The following MAGEC3 variants were observed in gnomAD, a reference collection of about 807,000 sequenced individuals.
The protein encoded by MAGEC3 is melanoma-associated antigen C3.
MAGEC3 carries 34 observed loss-of-function variants against 35.3 expected under a neutral mutation model. The ratio of observed to expected loss-of-function variants is 0.96; its 90% CI spans 0.73 to 1.28. The LOEUF (loss-of-function observed/expected upper bound fraction) is 1.28, where lower values mean the gene tolerates loss of function less well. Ranked by LOEUF, MAGEC3 falls within the 50% of genes most tolerant of loss-of-function variation. The pLI, the probability that MAGEC3 is intolerant of heterozygous loss-of-function variation, is 0.00. For synonymous variants in MAGEC3, 202 were observed against 185.6 expected, an observed-to-expected ratio of 1.09 and a Z score of -0.72; for missense variants, 561 against 483.6, an observed-to-expected ratio of 1.16 and a Z score of -1.50.
intron 3 of MAGEC3, among the ~76,000 whole-genome samples, 193 bp downstream of exon 3, chrX:141,879,624 G>A (rs756331638): frequency 1.8e-5 from 2 of 110,267 alleles, no homozygotes; most frequent in East Asian, 5.8e-4. Context: ...GAGGTAGAGA[G>A]GTGAGGGGTG....
chrX:141,882,679 G>A (rs1003914677), intron 4 of MAGEC3, among the ~76,000 whole-genome samples: 2 of 112,121 alleles, frequency 1.8e-5, no homozygotes, highest in Non-Finnish European at 3.8e-5. Flanking sequence ...CATCTCTGAC[G>A]GCTTTATTTG....
intron 4 of MAGEC3, among the ~76,000 whole-genome samples, chrX:141,884,404 C>G (rs1440685625): frequency 9.0e-6 from 1 of 111,720 alleles, no homozygotes; most frequent in African/African-American, 3.3e-5. Flanking sequence ...CCTTGCTCCT[C>G]AGCTTGCAGA....
At chrX:141,872,349 G>A (rs767905735) in intron 2 of MAGEC3, among the ~76,000 whole-genome samples, 17 of 111,409 alleles carry the variant, frequency 1.5e-4, no homozygotes, top group African/African-American at 5.2e-4. Context: ...AAGGACGTAG[G>A]AATGTGGGAT....
rs1415787100 is a variant in MAGEC3 at position 141,881,754 on chromosome X, T to C, written c.867T>C (p.Cys289=). 1.7e-6 allele frequency: 2 copies of C among 1,211,547 alleles called. No homozygotes were observed. The highest frequency in any genetic ancestry group is 2.2e-6 in the Non-Finnish European group (2 of 895,416). Residue 289 remains cysteine (C), a synonymous_variant, in exon 4 of 8, where the codon TGT becomes TGC. Coordinates refer to ENST00000298296, the MANE Select transcript of MAGEC3 (RefSeq NM_138702.1). ...ILSVIFIKGN[C]ASEEVIWEVL... ...GTGTGATCTTCATAAAGGGCAACTG[T>C]GCATCTGAGGAGGTCATCTGGGAAG...
rs1249049008 is a variant in MAGEC3 at position 141,897,639 on chromosome X, G to T, written c.1739G>T (p.Arg580Met). Residue 580 changes from arginine (R) to methionine (M), a missense_variant, in exon 8 of 8, where the codon AGG becomes ATG. Transcript: ENST00000298296. ...TGTGGGGTCCAAGAGCCCATTCAGAGGCCAGCAAGAGAAGTCTTAGAGTTT... is the reference window on the plus strand; with the variant it reads ...TGTGGGGTCCAAGAGCCCATTCAGATGCCAGCAAGAGAAGTCTTAGAGTTT... ...EVLSAIGPIQ[R>M]PAREVLEFLS... 5 of 1,207,201 alleles carry T rather than the reference G, an allele frequency of 4.1e-6. No homozygotes were observed. In the Admixed American group the frequency reaches 6.6e-5, roughly 16 times the overall value.
Position 141,881,708 on chromosome X carries a change from G to A in MAGEC3, c.821G>A (p.Arg274His), listed in dbSNP as rs749726433. The A allele has an allele frequency of 9.1e-6, 11 of 1,209,493 alleles. No homozygotes were observed. Among genetic ancestry groups the A allele is most frequent in the African/African-American group, 7.0e-5 (4 of 56,956 alleles). Reference protein sequence around the residue: ...LSDEQGMPQNRLLILILSVIF... With the variant: ...LSDEQGMPQNHLLILILSVIF... The stretch of plus-strand genomic sequence containing the variant: ...GATGAGCAGGGCATGCCCCAGAACC[G>A]CCTCCTGATTCTTATTCTGAGTGTG... Residue 274 changes from arginine to histidine, a missense_variant, in exon 4 of 8, where the codon CGC becomes CAC. Physicochemically the swap from Arg to His is conservative, Grantham distance 29 (BLOSUM62 0). Coordinates refer to ENST00000298296, the MANE Select transcript of MAGEC3 (RefSeq NM_138702.1).
At chrX:141,886,072 A>T (rs2018000645) in intron 4 of MAGEC3, among the ~76,000 whole-genome samples, 1 of 111,179 alleles carries the variant, frequency 9.0e-6, no homozygotes, top group African/African-American at 3.3e-5. Flanking sequence ...GCAGCACTCG[A>T]CCATCAAAGG....
At chrX:141,854,955 G>A (rs1483682388) in intron 1 of MAGEC3, among the ~76,000 whole-genome samples, 1 of 111,506 alleles carries the variant, frequency 9.0e-6, no homozygotes, top group Non-Finnish European at 1.9e-5. Flanking sequence ...GTTAGTCATA[G>A]GTACATTTGG....
At chrX:141,877,330 T>G (rs537143373) in intron 2 of MAGEC3, among the ~76,000 whole-genome samples, 1 of 111,881 alleles carries the variant, frequency 8.9e-6, no homozygotes, top group East Asian at 2.8e-4. Context: ...TGTTTTTGGT[T>G]AAATTATTTT....
chrX:141,870,286 T>G lies in MAGEC3; in HGVS notation c.258+4681T>G, dbSNP rs140957023. On this transcript the variant is annotated intron_variant, in intron 2 of 7. Coordinates refer to ENST00000298296, the MANE Select transcript of MAGEC3 (RefSeq NM_138702.1). ...CTAGTAACGTTAACCTGAATTTTAA[T>G]GAAACCTTATAGACAATCCTGTTTA... Among the ~76,000 whole-genome samples, 314 of 111,864 alleles carry G rather than the reference T, an allele frequency of 2.8e-3. 15 individuals are homozygous for G. The East Asian group carries it at 0.075, about 27-fold the overall frequency.
At chrX:141,879,946 G>T (rs965586334) in intron 3 of MAGEC3, among the ~76,000 whole-genome samples, 1 of 111,299 alleles carries the variant, frequency 9.0e-6, no homozygotes, top group Non-Finnish European at 1.9e-5. Context: ...ACTTTGAGAA[G>T]GACAAGGGGA....
intron 1 of MAGEC3, among the ~76,000 whole-genome samples, chrX:141,861,682 C>A (rs1254173962): frequency 8.9e-6 from 1 of 111,770 alleles, no homozygotes; most frequent in Non-Finnish European, 1.9e-5. Flanking sequence ...GGGGAAAGGG[C>A]AGCCTCTTCA....
In MAGEC3 at chrX:141,879,477, G is replaced by C. The variant is rs1318612636; in HGVS notation, c.515+46G>C. On this transcript the variant is annotated intron_variant, in intron 3 of 7. Coordinates refer to ENST00000298296, the MANE Select transcript of MAGEC3 (RefSeq NM_138702.1). ...GAGGGCTTTGAAGTGAGGAGGAAAA[G>C]GTGGAGGGATACCGAGAGGTGGGCA... 4.4e-6 allele frequency: 5 copies of C among 1,128,884 alleles called. No individual in the cohort carries two copies. The East Asian group carries it at 1.3e-4, about 30-fold the overall frequency. The allele number at this position is 1,128,884 out of a possible 1,213,427, so 93.0% of individuals were successfully genotyped here. A position where few individuals can be genotyped will look rare whatever the true frequency, so the allele number is the denominator to read the frequency against.
intron 1 of MAGEC3, among the ~76,000 whole-genome samples, chrX:141,857,750 G>A (rs949628915): frequency 9.0e-6 from 1 of 110,577 alleles, no homozygotes; most frequent in African/African-American, 3.3e-5. Flanking sequence ...CCTGAAACAC[G>A]CACCACCCTC....
At chrX:141,865,861 A>G (rs1263162657) in intron 2 of MAGEC3, among the ~76,000 whole-genome samples, 8 of 111,943 alleles carry the variant, frequency 7.1e-5, no homozygotes, top group Admixed American at 2.8e-4. Flanking sequence ...GCCTTCCTCT[A>G]TAGATGGACT....
chrX:141,890,720 A>G (rs1161592495), intron 4 of MAGEC3, among the ~76,000 whole-genome samples: 2 of 112,405 alleles, frequency 1.8e-5, no homozygotes, highest in Admixed American at 1.9e-4. Context: ...ACTTACTATC[A>G]TAAATTATAA....
intron 1 of MAGEC3, among the ~76,000 whole-genome samples, chrX:141,859,971 G>GT (rs1345927827): frequency 4.5e-5 from 5 of 112,026 alleles, no homozygotes; most frequent in African/African-American, 1.6e-4. Flanking sequence ...CTACCACTTA[G>GT]TTTTATCAGG....
At chrX:141,895,880 A>G (rs999329861) in intron 6 of MAGEC3, among the ~76,000 whole-genome samples, 1 of 111,228 alleles carries the variant, frequency 9.0e-6, no homozygotes, top group African/African-American at 3.3e-5. Flanking sequence ...TCCCACGTGC[A>G]TCAGAACAGA....
In MAGEC3 at chrX:141,896,908, A is replaced by T. The variant is rs762130935; in HGVS notation, c.1150A>T (p.Met384Leu). The T allele has an allele frequency of 2.5e-6, 3 of 1,180,506 alleles. No individual in the cohort carries two copies. In the East Asian group the frequency reaches 9.4e-5, roughly 37 times the overall value. The stretch of plus-strand genomic sequence containing the variant: ...AGATGAGGATATGCCTGCTGCTGGG[A>T]TGCCACCTCTTCCCCAGAGTCCTCC... ...GEDEDMPAAG[M>L]PPLPQSPPEI... Residue 384 changes from methionine (M) to leucine (L), a missense_variant, in exon 7 of 8, where the codon ATG (methionine) becomes TTG (leucine). Physicochemically the swap from Met to Leu is conservative, Grantham distance 15. Transcript: ENST00000298296.
Sources: allele counts gnomAD v4.1 joint callset (sites outside exome capture counted in the v4.1 genomes callset), GRCh38; gene constraint gnomAD v4.1.1; transcripts MANE v1.5; gene names NCBI Gene and HGNC (gene_info 2026-07-23, HGNC 2026-07-21).